EXOC6B: variants seen among roughly 807,000 people sequenced by gnomAD.
The protein encoded by EXOC6B is SEC15 homolog B.
In EXOC6B, 54 loss-of-function variants were observed where a neutral mutation model predicts 113.5. That is an observed-to-expected ratio of 0.48 (90% CI 0.38 to 0.60). EXOC6B has a LOEUF of 0.60. Ranked by LOEUF, EXOC6B falls within the 20% of genes least tolerant of loss-of-function variation. EXOC6B has a pLI of 0.00. For synonymous variants in EXOC6B, 357 were observed against 339.0 expected (o/e 1.05, Z -0.58); for missense variants, 797 against 977.5 (o/e 0.82, Z 2.46).
chr2:72,359,642 A>T (rs1690181036), intron 19 of EXOC6B, among the ~76,000 whole-genome samples: 2 of 152,236 alleles, frequency 1.3e-5, no homozygotes, highest in South Asian at 4.1e-4. Flanking sequence ...CAAAAGAGAA[A>T]GTAGAATGTT....
chr2:72,527,733 T>C (rs1055807958), intron 8 of EXOC6B, among the ~76,000 whole-genome samples: 7 of 152,000 alleles, frequency 4.6e-5, no homozygotes, highest in African/African-American at 1.2e-4. Context: ...ACTATTCTTA[T>C]AGCAGTGTAG....
At chr2:72,794,332 C>G (rs1684832009) in intron 1 of EXOC6B, among the ~76,000 whole-genome samples, 1 of 152,154 alleles carries the variant, frequency 6.6e-6, no homozygotes, top group Non-Finnish European at 1.5e-5. Context: ...TGATAACTGC[C>G]TAACTTTAGG....
Position 72,189,860 on chromosome 2 carries a change from C to CTTTTTTT in EXOC6B, c.2197-5680_2197-5674dup, listed in dbSNP as rs57679690. Among the ~76,000 whole-genome samples, 575 of 87,202 alleles carry CTTTTTTT rather than the reference C, an allele frequency of 6.6e-3. 44 individuals are homozygous for CTTTTTTT. The highest frequency in any genetic ancestry group is 0.021 in the African/African-American group (326 of 15,340). The allele number at this position is 87,202 out of a possible 152,430, so 57.2% of individuals were successfully genotyped here. A position where few individuals can be genotyped will look rare whatever the true frequency, so the allele number is the denominator to read the frequency against. The stretch of plus-strand genomic sequence containing the variant: ...TCTCTCTCTCTTTCTCCTTCTTCTT[C>CTTTTTTT]TTTTTTTTTTTTTTTTTTTTGAGGC... On this transcript the variant is annotated intron_variant, in intron 20 of 21. Coordinates refer to ENST00000272427, the MANE Select transcript of EXOC6B (RefSeq NM_015189.3).
chr2:72,586,846 T>C (rs1705617628), intron 6 of EXOC6B, among the ~76,000 whole-genome samples: 1 of 151,232 alleles, frequency 6.6e-6, no homozygotes, highest in Non-Finnish European at 1.5e-5. Flanking sequence ...GAAATGCAAA[T>C]CAAAACCACA....
At chr2:72,817,170 T>G (rs1214177182) in intron 1 of EXOC6B, among the ~76,000 whole-genome samples, 2 of 152,196 alleles carry the variant, frequency 1.3e-5, no homozygotes, top group African/African-American at 4.8e-5. Context: ...TAACATGCAC[T>G]CAGATCATAA....
intron 6 of EXOC6B, among the ~76,000 whole-genome samples, chr2:72,714,314 G>C (rs1054732136): frequency 1.3e-5 from 2 of 152,184 alleles, no homozygotes; most frequent in Non-Finnish European, 2.9e-5. Context: ...AAGTTAAAAG[G>C]CTGAAAAGCC....
At chr2:72,510,159 C>T (rs1700818566) in intron 11 of EXOC6B, among the ~76,000 whole-genome samples, 1 of 151,866 alleles carries the variant, frequency 6.6e-6, no homozygotes, top group Admixed American at 6.6e-5. Context: ...TTTTTAAAAG[C>T]ATAATAAAAT....
intron 13 of EXOC6B, among the ~76,000 whole-genome samples, chr2:72,497,676 A>C (rs2105576006): frequency 6.6e-6 from 1 of 152,334 alleles, no homozygotes; most frequent in Non-Finnish European, 1.5e-5. Context: ...TATGTTCATA[A>C]ACGAGAAGAG....
chr2:72,733,840 T>C (rs1165044953), intron 2 of EXOC6B, among the ~76,000 whole-genome samples: 1 of 152,226 alleles, frequency 6.6e-6, no homozygotes, highest in Non-Finnish European at 1.5e-5. Flanking sequence ...TTCTAAAATG[T>C]TGTTTAATAA....
At chr2:72,302,409 G>A (rs1686586495) in intron 20 of EXOC6B, among the ~76,000 whole-genome samples, 2 of 152,092 alleles carry the variant, frequency 1.3e-5, no homozygotes, top group South Asian at 4.2e-4. Context: ...ATTTTCTGCT[G>A]CAATGATCTG....
chr2:72,531,368 C>T (rs1017905183), intron 8 of EXOC6B, among the ~76,000 whole-genome samples: 1 of 152,170 alleles, frequency 6.6e-6, no homozygotes, highest in African/African-American at 2.4e-5. Context: ...TATCCTCCTC[C>T]ATTTATAATA....
chr2:72,475,890 A>C lies in EXOC6B; in HGVS notation c.1800+4726T>G, dbSNP rs138809874. 5.9e-5 allele frequency among the ~76,000 whole-genome samples: 9 copies of C among 152,276 alleles called. No homozygotes were observed. In the East Asian group the frequency reaches 1.7e-3, roughly 29 times the overall value. On this transcript the variant is annotated intron_variant, in intron 17 of 21. Transcript: ENST00000272427. ...CTCAATGGCAGCAGCATGCATCATG[A>C]TAGCATCTCGGCCCCTGGTGTGGGT...
intron 8 of EXOC6B, among the ~76,000 whole-genome samples, chr2:72,520,722 C>A (rs1346796913): frequency 1.3e-5 from 2 of 152,172 alleles, no homozygotes. Context: ...TTTCAGCATC[C>A]AGCAAGCAAT....
intron 6 of EXOC6B, among the ~76,000 whole-genome samples, chr2:72,624,369 G>T (rs1671925097): frequency 6.6e-6 from 1 of 152,122 alleles, no homozygotes; most frequent in Non-Finnish European, 1.5e-5. Context: ...AAAGTGTTGG[G>T]ATTATAAGCG....
intron 2 of EXOC6B, among the ~76,000 whole-genome samples, chr2:72,738,751 A>G (rs1310908939): frequency 6.6e-6 from 1 of 152,182 alleles, no homozygotes; most frequent in African/African-American, 2.4e-5. Flanking sequence ...TGAGACGGTC[A>G]GATCACTTGA....
At chr2:72,481,127 C>A (rs1699064394) in intron 16 of EXOC6B, among the ~76,000 whole-genome samples, 1 of 152,176 alleles carries the variant, frequency 6.6e-6, no homozygotes, top group African/African-American at 2.4e-5. Context: ...CACACTTCTC[C>A]TTCTTGCTGC....
intron 19 of EXOC6B, among the ~76,000 whole-genome samples, chr2:72,337,943 T>G (rs567494073): frequency 8.5e-5 from 13 of 152,284 alleles, no homozygotes; most frequent in Admixed American, 7.2e-4. Context: ...ATAGCAAGAT[T>G]CATTGGGCAC....
At chr2:72,339,414 C>G (rs1558571777) in intron 19 of EXOC6B, among the ~76,000 whole-genome samples, 1 of 152,172 alleles carries the variant, frequency 6.6e-6, no homozygotes, top group African/African-American at 2.4e-5. Flanking sequence ...GATTCTGAAG[C>G]ATTGGCAAGG....
intron 6 of EXOC6B, among the ~76,000 whole-genome samples, chr2:72,578,603 A>C (rs1705018568): frequency 6.6e-6 from 1 of 152,052 alleles, no homozygotes; most frequent in African/African-American, 2.4e-5. Context: ...CTTCAGTCAA[A>C]CACGTGTTAA....
Sources: allele counts gnomAD v4.1 joint callset (sites outside exome capture counted in the v4.1 genomes callset), GRCh38; gene constraint gnomAD v4.1.1; transcripts MANE v1.5; gene names NCBI Gene and HGNC (gene_info 2026-07-23, HGNC 2026-07-21).